The following CEACAM21 variants were observed in gnomAD, a reference collection of about 807,000 sequenced individuals.
The protein encoded by CEACAM21 is CEA cell adhesion molecule 21.
Under a neutral mutation model 33.2 loss-of-function variants are expected in CEACAM21, and 38 were observed. That is an observed-to-expected ratio of 1.14 (90% CI 0.88 to 1.50). CEACAM21 has a LOEUF of 1.50. CEACAM21 is among the 40% of genes most tolerant of loss of function. The pLI is 0.00. For missense variants in CEACAM21, 385 were observed against 364.6 expected, an observed-to-expected ratio of 1.06 and a Z score of -0.46; for synonymous variants, 156 against 143.0, an observed-to-expected ratio of 1.09 and a Z score of -0.65.
intron 3 of CEACAM21, among the ~76,000 whole-genome samples, chr19:41,580,157 A>G (rs1295539374): frequency 6.6e-6 from 1 of 151,992 alleles, no homozygotes; most frequent in Admixed American, 6.5e-5. Flanking sequence ...AAGTACTTCA[A>G]TCTTAATTGA....
upstream of CEACAM21, chr19:41,576,055 G>A (rs1190288131): frequency 3.2e-5 from 19 of 591,294 alleles, no homozygotes; most frequent in Non-Finnish European, 5.7e-5. Flanking sequence ...GAAGGAGAAA[G>A]GAGGGACAAG....
At chr19:41,578,485 G>T (rs1485554825) in intron 2 of CEACAM21, among the ~76,000 whole-genome samples, 3 of 152,068 alleles carry the variant, frequency 2.0e-5, no homozygotes, top group Admixed American at 1.3e-4. Flanking sequence ...CATCACACAG[G>T]CTGTCAGTGC....
At chr19:41,573,211 G>A (rs901692712), upstream of CEACAM21, among the ~76,000 whole-genome samples, 8 of 152,324 alleles carry the variant, frequency 5.3e-5, no homozygotes, top group African/African-American at 7.2e-5. Context: ...ATGTGCAGCC[G>A]TCCCTGTCTA....
intron 4 of CEACAM21, 70 bp from the exon 5 acceptor site, chr19:41,585,373 G>A: frequency 6.6e-7 from 1 of 1,521,822 alleles, no homozygotes; most frequent in African/African-American, 1.4e-5. Context: ...TCCTTTCCTG[G>A]TCCCCTATTT....
At chr19:41,564,366 A>AT (rs367613561) in intron 1 of CEACAM21, among the ~76,000 whole-genome samples, 1 of 144,226 alleles carries the variant, frequency 6.9e-6, no homozygotes. Context: ...TTATTTATTT[A>AT]TTATTTTGCC....
chr19:41,568,428 AGTC>A (rs1339643465), intron 2 of CEACAM21, among the ~76,000 whole-genome samples: 2 of 152,086 alleles, frequency 1.3e-5, no homozygotes, highest in African/African-American at 2.4e-5. Context: ...CTTACATTTA[AGTC>A]TTTATTTAAT....
At chr19:41,558,370 G>T (rs1368990706) in intron 1 of CEACAM21, among the ~76,000 whole-genome samples, 1 of 152,106 alleles carries the variant, frequency 6.6e-6, no homozygotes, top group Non-Finnish European at 1.5e-5. Context: ...AAACCCAGCT[G>T]GGCACGGTGG....
intron 2 of CEACAM21, among the ~76,000 whole-genome samples, chr19:41,566,515 C>T (rs1178437911): frequency 6.6e-6 from 1 of 152,100 alleles, no homozygotes; most frequent in Non-Finnish European, 1.5e-5. Context: ...CTGATATAAG[C>T]CATACGTATG....
At chr19:41,571,003 C>G (rs1189800532) in intron 2 of CEACAM21, among the ~76,000 whole-genome samples, 1 of 152,058 alleles carries the variant, frequency 6.6e-6, no homozygotes, top group Non-Finnish European at 1.5e-5. Flanking sequence ...CAGCAGGGCT[C>G]TCCACTCCTC....
intron 1 of CEACAM21, among the ~76,000 whole-genome samples, chr19:41,552,486 G>A (rs1027861112): frequency 3.9e-5 from 6 of 152,154 alleles, no homozygotes; most frequent in Admixed American, 3.9e-4. Context: ...GTAGAAAGGC[G>A]CTGGCACTTT....
At chr19:41,582,154 A>C (rs2043445480) in intron 3 of CEACAM21, among the ~76,000 whole-genome samples, 1 of 152,244 alleles carries the variant, frequency 6.6e-6, no homozygotes, top group Non-Finnish European at 1.5e-5. Context: ...ATGCAAGCCC[A>C]AAATCCAGCA....
intron 2 of CEACAM21, among the ~76,000 whole-genome samples, chr19:41,565,960 TG>T (rs1300318430): frequency 3.3e-4 from 1 of 3,034 alleles, no homozygotes; most frequent in African/African-American, 1.9e-3. Context: ...TATTGCTTTT[TG>T]GGGGGGCGGG....
At chr19:41,566,761 A>C in intron 2 of CEACAM21, among the ~76,000 whole-genome samples, 1 of 152,236 alleles carries the variant, frequency 6.6e-6, no homozygotes, top group African/African-American at 2.4e-5. Flanking sequence ...TCACCATAAA[A>C]ATATCAGGAC....
At position 41,577,362 on chromosome 19, in the gene CEACAM21, A is replaced by C. The variant is rs782623883; in HGVS notation, c.227A>C (p.Asn76Thr). The C allele has an allele frequency of 3.1e-6, 5 of 1,613,714 alleles. No individual in the cohort carries two copies. The highest frequency in any genetic ancestry group is 4.2e-6 in the Non-Finnish European group (5 of 1,180,022). Residue 76 changes from asparagine (N) to threonine (T), a missense_variant, in exon 2 of 7, where the codon AAC becomes ACC. Asn to Thr is a moderately conservative substitution (Grantham distance 65). Transcript: ENST00000401445. Reference sequence around the variant, plus strand: ...TACAAAGGGAAAACGGTGGAGCCCAACCAGCTAATCGCAGCATATGTAATA... The same window carrying C: ...TACAAAGGGAAAACGGTGGAGCCCACCCAGCTAATCGCAGCATATGTAATA... ...GWYKGKTVEP[N>T]QLIAAYVIDT...
chr19:41,555,904 C>T (rs1005388620), intron 1 of CEACAM21, among the ~76,000 whole-genome samples: 5 of 152,208 alleles, frequency 3.3e-5, no homozygotes, highest in Non-Finnish European at 5.9e-5. Flanking sequence ...CAGCCCTCAC[C>T]AGTGACCCAG....
At chr19:41,560,502 G>A (rs1270979861) in intron 1 of CEACAM21, among the ~76,000 whole-genome samples, 2 of 152,228 alleles carry the variant, frequency 1.3e-5, no homozygotes, top group Non-Finnish European at 2.9e-5. Context: ...TTATTGTGAG[G>A]CTATTATAAC....
chr19:41,572,754 C>T (rs541934368), upstream of CEACAM21, among the ~76,000 whole-genome samples: 1 of 152,270 alleles, frequency 6.6e-6, no homozygotes, highest in African/African-American at 2.4e-5. Flanking sequence ...TCATGACCAC[C>T]CACCAACATG....
intron 1 of CEACAM21, chr19:41,550,174 T>G (rs2041129851): frequency 6.6e-6 from 1 of 152,266 alleles, no homozygotes; most frequent in African/African-American, 2.4e-5. Flanking sequence ...GATGCATGAC[T>G]GGCGGCCAGA....
intron 5 of CEACAM21, 68 bp downstream of exon 5, chr19:41,585,563 C>T: frequency 6.6e-7 from 1 of 1,514,334 alleles, no homozygotes; most frequent in Non-Finnish European, 9.2e-7. Flanking sequence ...CCACTCCTGC[C>T]AGTTACACCC....
Sources: allele counts gnomAD v4.1 joint callset (sites outside exome capture counted in the v4.1 genomes callset), GRCh38; gene constraint gnomAD v4.1.1; transcripts MANE v1.5; gene names NCBI Gene and HGNC (gene_info 2026-07-23, HGNC 2026-07-21).